The following SUPT20H variants were observed in gnomAD, a reference collection of about 807,000 sequenced individuals.
SUPT20H encodes SPT20 homolog, SAGA complex component.
In SUPT20H, 82 loss-of-function variants were observed where a neutral mutation model predicts 122.8. That is an observed-to-expected ratio of 0.67 (90% CI 0.56 to 0.80). The LOEUF (loss-of-function observed/expected upper bound fraction) is 0.80. SUPT20H is among the 30% of genes least tolerant of loss of function. The pLI, the probability that SUPT20H is intolerant of heterozygous loss-of-function variation, is 0.00. For synonymous variants in SUPT20H, 291 were observed against 313.0 expected (o/e 0.93, Z 0.74); for missense variants, 831 against 921.6 (o/e 0.90, Z 1.27).
Position 37,028,323 on chromosome 13 carries a change from C to T in SUPT20H, c.994-18G>A. The T allele has an allele frequency of 6.3e-7, 1 of 1,596,612 alleles. No individual in the cohort carries two copies. The highest frequency in any genetic ancestry group is 8.5e-7 in the Non-Finnish European group (1 of 1,173,176). ...TTTACATCCTGAAAAATGCATAGCACCTCAAATAAATACCTTCACAAGTAG... is the reference window on the plus strand; with the variant it reads ...TTTACATCCTGAAAAATGCATAGCATCTCAAATAAATACCTTCACAAGTAG... On this transcript the variant is annotated intron_variant, in intron 13 of 25. Transcript: ENST00000350612.
chr13:37,019,673 A>C (rs774191430), intron 21 of SUPT20H, among the ~76,000 whole-genome samples: 34 of 152,216 alleles, frequency 2.2e-4, no homozygotes, highest in Non-Finnish European at 4.1e-4. Flanking sequence ...TTGGCTGAAC[A>C]AAGAGTAATC....
rs577328084 is a variant in SUPT20H, at chr13:37,018,107, A to G, written c.1873-743T>C. Among the ~76,000 whole-genome samples, 7 of 152,182 alleles carry G rather than the reference A, an allele frequency of 4.6e-5. No homozygotes were observed. In the South Asian group the frequency reaches 1.2e-3, roughly 27 times the overall value. On this transcript the variant is annotated intron_variant, in intron 22 of 25. Coordinates refer to ENST00000350612, the MANE Select transcript of SUPT20H (RefSeq NM_001014286.3). Reference sequence around the variant, plus strand: ...AAATACAGAACTCTTAGGTCTGTATAGTCAAAAAAATAATAATAAAAAAAA... The same window carrying G: ...AAATACAGAACTCTTAGGTCTGTATGGTCAAAAAAATAATAATAAAAAAAA...
At chr13:37,049,224 CTCA>C (rs1464086672) in intron 2 of SUPT20H, among the ~76,000 whole-genome samples, 3 of 152,038 alleles carry the variant, frequency 2.0e-5, no homozygotes, top group South Asian at 2.1e-4. Flanking sequence ...TGAGTATCAA[CTCA>C]TCATCAATTC....
At chr13:37,055,169 T>C (rs2068653303) in intron 1 of SUPT20H, among the ~76,000 whole-genome samples, 1 of 152,276 alleles carries the variant, frequency 6.6e-6, no homozygotes, top group South Asian at 2.1e-4. Flanking sequence ...GAAGAATCAA[T>C]ATCGTGAAAA....
At position 37,025,355 on chromosome 13, in the gene SUPT20H, T is replaced by G. The variant is rs897402902; in HGVS notation, c.1294A>C (p.Ser432Arg). The change falls in exon 17 of 26, where the codon AGT (serine) becomes CGT (arginine). Residue 432 changes from serine (S) to arginine (R), a missense_variant. By Grantham distance (110) the Ser-to-Arg change is moderately radical. Coordinates refer to ENST00000350612, the MANE Select transcript of SUPT20H (RefSeq NM_001014286.3). ...KMSHSSSGSA[S>R]LSQVSPGKET... ...TTCCCTGGAGAAACCTGACTCAGAC[T>G]GGCTGAGCCACTGGAGCTGTGTGAC... is the stretch of plus-strand genomic sequence containing the variant. The G allele has an allele frequency of 1.2e-6, 2 of 1,613,854 alleles. No homozygotes were observed. Among genetic ancestry groups the G allele is most frequent in the Non-Finnish European group, 1.7e-6 (2 of 1,179,848 alleles).
chr13:37,035,981 T>C (rs942040736), intron 9 of SUPT20H, among the ~76,000 whole-genome samples: 4 of 152,210 alleles, frequency 2.6e-5, no homozygotes, highest in Admixed American at 2.6e-4. Flanking sequence ...AGTTCTACTG[T>C]AGGGTAAAAC....
In SUPT20H at chr13:37,026,786, T is replaced by C. The variant is rs1444251385; in HGVS notation, c.1178+4A>G. 1.4e-6 allele frequency: 2 copies of C among 1,408,614 alleles called. No homozygotes were observed. The highest frequency in any genetic ancestry group is 1.9e-6 in the Non-Finnish European group (2 of 1,056,810). The allele number at this position is 1,408,614 out of a possible 1,614,324, so 87.3% of individuals were successfully genotyped here. A position where few individuals can be genotyped will look rare whatever the true frequency, so the allele number is the denominator to read the frequency against. On this transcript the variant is annotated splice_donor_region_variant and intron_variant, in intron 15 of 25. Coordinates refer to ENST00000350612, the MANE Select transcript of SUPT20H (RefSeq NM_001014286.3). ...CAGATTAAAATAGTTTATTTTTTAATTACCAATTTGAATGATCATCTGTGG... is the reference window on the plus strand; with the variant it reads ...CAGATTAAAATAGTTTATTTTTTAACTACCAATTTGAATGATCATCTGTGG...
intron 23 of SUPT20H, among the ~76,000 whole-genome samples, chr13:37,015,151 G>C (rs999787238): frequency 1.4e-5 from 2 of 144,880 alleles, no homozygotes; most frequent in African/African-American, 5.1e-5. Context: ...AGTAAAAAGA[G>C]AAAATGAACT....
chr13:37,029,354 C>A lies in SUPT20H; in HGVS notation c.993+411G>T, dbSNP rs557091018. Among the ~76,000 whole-genome samples, 4 of 152,132 alleles carry A rather than the reference C, an allele frequency of 2.6e-5. No individual in the cohort carries two copies. In the South Asian group the frequency reaches 8.3e-4, roughly 32 times the overall value. On this transcript the variant is annotated intron_variant, in intron 13 of 25. Transcript: ENST00000350612. ...GACCAGCCTGGCCAACATGGCGAAA[C>A]CCTGTCTCTACTAAAAATACAAAAA... is the stretch of plus-strand genomic sequence containing the variant.
At chr13:37,023,322 T>C (rs2061671303) in intron 19 of SUPT20H, among the ~76,000 whole-genome samples, 1 of 152,210 alleles carries the variant, frequency 6.6e-6, no homozygotes, top group East Asian at 1.9e-4. Flanking sequence ...ATTAGCTATC[T>C]ATAAAAAATC....
At chr13:37,045,216 T>C (rs1319954248) in intron 6 of SUPT20H, 31 bp downstream of exon 6, 2 of 1,607,206 alleles carry the variant, frequency 1.2e-6, no homozygotes, top group South Asian at 2.2e-5. Context: ...GCAAAAGTAT[T>C]TTGTGGCAGC....
chr13:37,019,789 T>C (rs1303088589), intron 21 of SUPT20H, among the ~76,000 whole-genome samples: 4 of 152,232 alleles, frequency 2.6e-5, no homozygotes, highest in African/African-American at 7.2e-5. Flanking sequence ...TAGTATACTA[T>C]AATAATCATA....
chr13:37,011,531 T>G (rs1279195567), intron 24 of SUPT20H, among the ~76,000 whole-genome samples: 3 of 152,164 alleles, frequency 2.0e-5, no homozygotes, highest in Non-Finnish European at 4.4e-5. Context: ...CAAACTCCTA[T>G]CATAGTTTTC....
chr13:37,041,025 G>T (rs1295015238), intron 7 of SUPT20H, among the ~76,000 whole-genome samples: 2 of 152,156 alleles, frequency 1.3e-5, no homozygotes, highest in Non-Finnish European at 2.9e-5. Context: ...TTCTTCTGCA[G>T]CTCACAGGCT....
intron 1 of SUPT20H, among the ~76,000 whole-genome samples, chr13:37,052,286 A>G (rs892955084): frequency 6.6e-6 from 1 of 152,194 alleles, no homozygotes; most frequent in Non-Finnish European, 1.5e-5. Flanking sequence ...AAACTATACA[A>G]TGCTACAGTA....
chr13:37,056,861 G>A (rs896566416), intron 1 of SUPT20H: 3 of 152,098 alleles, frequency 2.0e-5, no homozygotes, highest in Non-Finnish European at 2.9e-5. Flanking sequence ...TCAAACTGTG[G>A]GATGCCTGTG....
At chr13:37,018,427 A>G (rs2060906465) in intron 22 of SUPT20H, among the ~76,000 whole-genome samples, 1 of 152,222 alleles carries the variant, frequency 6.6e-6, no homozygotes, top group Non-Finnish European at 1.5e-5. Context: ...CATCGTATAT[A>G]GGAAACAAGT....
At chr13:37,059,446 T>A (rs1002791130) in intron 1 of SUPT20H, 113 bp downstream of exon 1, 14 of 152,254 alleles carry the variant, frequency 9.2e-5, no homozygotes, top group African/African-American at 3.4e-4. Flanking sequence ...GACCCCGTCT[T>A]CCTCCAGCGG....
rs190223554 is a variant in SUPT20H, at chr13:37,026,816, G to A, written c.1152C>T (p.His384=). The change falls in exon 15 of 26, where the codon CAC becomes CAT. Residue 384 remains histidine, a splice_region_variant and synonymous_variant. Transcript: ENST00000350612. ...AATTTGAATGATCATCTGTGGACGAGCTGAAATATAAAATGTAAAAAAAAG... is the reference window on the plus strand; with the variant it reads ...AATTTGAATGATCATCTGTGGACGAACTGAAATATAAAATGTAAAAAAAAG... ...EESDSQMSPS[H]SSTDDHSNWF... is the part of the protein sequence containing the mutation. 2.1e-6 allele frequency: 3 copies of A among 1,433,554 alleles called. No individual in the cohort carries two copies. The highest frequency in any genetic ancestry group is 2.7e-5 in the Admixed American group (1 of 36,532). 88.8% of individuals were successfully genotyped at this position (1,433,554 alleles called of 1,614,324 possible). A position where few individuals can be genotyped will look rare whatever the true frequency, so the allele number is the denominator to read the frequency against.
Sources: gnomAD v4.1 joint callset for allele counts (sites outside exome capture counted in the v4.1 genomes callset) on GRCh38, gnomAD v4.1.1 for gene constraint, MANE v1.5 for transcripts, NCBI Gene and HGNC (gene_info 2026-07-23, HGNC 2026-07-21) for gene names.